The following LRRTM4 variants were observed in gnomAD, a reference collection of about 807,000 sequenced individuals.
The protein encoded by LRRTM4 is leucine rich repeat transmembrane neuronal 4.
Under a neutral mutation model 47.6 loss-of-function variants are expected in LRRTM4, and 25 were observed. The observed-to-expected ratio is 0.53, with a 90% confidence interval of 0.38 to 0.73. The LOEUF (loss-of-function observed/expected upper bound fraction) is 0.73. Among genes scored for constraint, LRRTM4 ranks in the 30% least tolerant of loss-of-function variants. The pLI is 0.00. For synonymous variants in LRRTM4, 311 were observed against 269.5 expected (o/e 1.15, Z -1.51); for missense variants, 638 against 713.4 (o/e 0.89, Z 1.20).
In LRRTM4 at chr2:76,814,221, G is replaced by GA. The variant is rs1299372108; in HGVS notation, c.1552-65306dup. On this transcript the variant is annotated intron_variant, in intron 3 of 3. Transcript: ENST00000409884. Reference sequence around the variant, plus strand: ...TTGTTTATTTTAAATTTGAAAAATAGAAAAAAGCTTATATAATAAGATATA... The same window carrying GA: ...TTGTTTATTTTAAATTTGAAAAATAGAAAAAAAGCTTATATAATAAGATATA... Among the ~76,000 whole-genome samples the GA allele has an allele frequency of 2.8e-4, 42 of 151,970 alleles. 1 individual carries two copies. Among genetic ancestry groups the GA allele is most frequent in the African/African-American group, 9.2e-4 (38 of 41,502 alleles).
At chr2:77,450,769 G>C (rs1443849474) in intron 3 of LRRTM4, among the ~76,000 whole-genome samples, 2 of 152,010 alleles carry the variant, frequency 1.3e-5, no homozygotes, top group African/African-American at 2.4e-5. Context: ...CTTATAGCTA[G>C]CCAATTATAA....
chr2:77,271,344 G>A (rs1676185575), intron 3 of LRRTM4, among the ~76,000 whole-genome samples: 1 of 152,132 alleles, frequency 6.6e-6, no homozygotes, highest in African/African-American at 2.4e-5. Flanking sequence ...TGCAGAAGGT[G>A]GAACTAAAGG....
At chr2:76,793,393 G>C (rs556555460) in intron 3 of LRRTM4, among the ~76,000 whole-genome samples, 4 of 152,038 alleles carry the variant, frequency 2.6e-5, no homozygotes, top group Non-Finnish European at 5.9e-5. Flanking sequence ...TTCACTCTTT[G>C]GCCAATTACT....
At chr2:76,836,403 C>T (rs754770600) in intron 3 of LRRTM4, among the ~76,000 whole-genome samples, 19 of 151,824 alleles carry the variant, frequency 1.3e-4, no homozygotes, top group Non-Finnish European at 2.1e-4. Flanking sequence ...TTATTTTGAT[C>T]ATGTCTATGC....
At chr2:77,188,304 T>C (rs757009551) in intron 3 of LRRTM4, among the ~76,000 whole-genome samples, 11 of 152,198 alleles carry the variant, frequency 7.2e-5, no homozygotes, top group Admixed American at 3.9e-4. Flanking sequence ...ATGGGGAAAA[T>C]GATGCAAAAC....
chr2:77,421,390 G>C (rs1175650746), intron 3 of LRRTM4, among the ~76,000 whole-genome samples: 4 of 152,032 alleles, frequency 2.6e-5, no homozygotes, highest in African/African-American at 9.7e-5. Context: ...TCACATCTAG[G>C]GAAATGCGTT....
At chr2:77,358,669 T>A (rs894021595) in intron 3 of LRRTM4, among the ~76,000 whole-genome samples, 1 of 152,220 alleles carries the variant, frequency 6.6e-6, no homozygotes, top group African/African-American at 2.4e-5. Flanking sequence ...AATAACAAAT[T>A]TCATTCATGA....
chr2:76,790,355 T>C (rs1674908190), intron 3 of LRRTM4, among the ~76,000 whole-genome samples: 1 of 152,124 alleles, frequency 6.6e-6, no homozygotes, highest in Non-Finnish European at 1.5e-5. Flanking sequence ...AGAAACATAT[T>C]AGGAGTTCTA....
intron 3 of LRRTM4, among the ~76,000 whole-genome samples, chr2:77,343,367 T>C (rs1341793069): frequency 6.6e-6 from 1 of 151,956 alleles, no homozygotes; most frequent in African/African-American, 2.4e-5. Flanking sequence ...AATTTTATTA[T>C]TGAATTAAAA....
At chr2:77,494,912 T>C (rs2104057596) in intron 3 of LRRTM4, among the ~76,000 whole-genome samples, 1 of 152,224 alleles carries the variant, frequency 6.6e-6, no homozygotes, top group South Asian at 2.1e-4. Flanking sequence ...AAATACTCTG[T>C]TTTGATTTGC....
intron 3 of LRRTM4, among the ~76,000 whole-genome samples, chr2:77,137,511 T>G (rs1396999907): frequency 6.6e-6 from 1 of 150,750 alleles, no homozygotes; most frequent in African/African-American, 2.5e-5. Flanking sequence ...TACCAGCCAC[T>G]GCAAAAACAT....
chr2:77,142,251 C>T (rs1003955705), intron 3 of LRRTM4, among the ~76,000 whole-genome samples: 1 of 152,122 alleles, frequency 6.6e-6, no homozygotes, highest in Admixed American at 6.6e-5. Context: ...ACCTTGTTCA[C>T]CACAAAGATT....
rs574224202 is a variant in LRRTM4, at chr2:76,776,286, C to A, written c.1552-27370G>T. 4.1e-3 allele frequency among the ~76,000 whole-genome samples: 623 copies of A among 152,274 alleles called. 2 individuals carry two copies. Among genetic ancestry groups the A allele is most frequent in the Non-Finnish European group, 7.2e-3 (487 of 68,028 alleles). ...GGGTATATACCCAGTAATGGGATGG[C>A]TGGGTCAAATGGTATTTCCAGTTCC... On this transcript the variant is annotated intron_variant, in intron 3 of 3. Coordinates refer to ENST00000409884, the MANE Select transcript of LRRTM4 (RefSeq NM_001134745.3).
intron 3 of LRRTM4, among the ~76,000 whole-genome samples, chr2:76,941,991 T>C (rs1166957457): frequency 6.6e-6 from 1 of 152,132 alleles, no homozygotes; most frequent in Non-Finnish European, 1.5e-5. Context: ...CCTGACTTTT[T>C]AATGATCCCC....
chr2:76,986,030 G>GT (rs1172866817), intron 3 of LRRTM4: 3 of 151,930 alleles, frequency 2.0e-5, no homozygotes, highest in African/African-American at 7.2e-5. Context: ...CATTCGCATT[G>GT]TAACTTTTAA....
intron 3 of LRRTM4, among the ~76,000 whole-genome samples, chr2:77,121,554 T>G (rs1195014550): frequency 6.6e-6 from 1 of 151,854 alleles, no homozygotes; most frequent in Admixed American, 6.6e-5. Context: ...CACACATAGA[T>G]GATTTTTATG....
At chr2:77,053,031 T>C (rs1210848293) in intron 3 of LRRTM4, among the ~76,000 whole-genome samples, 1 of 151,762 alleles carries the variant, frequency 6.6e-6, no homozygotes, top group Non-Finnish European at 1.5e-5. Context: ...ACTAACATAG[T>C]TCGGGTAAAA....
rs535094782 is a variant in LRRTM4, at chr2:76,843,313, A to G, written c.1552-94397T>C. ...AAAACTGAGGGCTTATATTAAATGT[A>G]TATTCCAAAAATATTTAAGATTGAC... On this transcript the variant is annotated intron_variant, in intron 3 of 3. Transcript: ENST00000409884. Among the ~76,000 whole-genome samples the G allele has an allele frequency of 4.6e-5, 7 of 152,302 alleles. No homozygotes were observed. The South Asian group carries it at 1.0e-3, about 23-fold the overall frequency.
At chr2:77,017,522 T>G (rs190233209) in intron 3 of LRRTM4, among the ~76,000 whole-genome samples, 1 of 152,250 alleles carries the variant, frequency 6.6e-6, no homozygotes, top group Admixed American at 6.5e-5. Flanking sequence ...AAAAGGAACA[T>G]TTGCTGGAGC....
Sources: gnomAD v4.1 joint callset for allele counts (sites outside exome capture counted in the v4.1 genomes callset) on GRCh38, gnomAD v4.1.1 for gene constraint, MANE v1.5 for transcripts, NCBI Gene and HGNC (gene_info 2026-07-23, HGNC 2026-07-21) for gene names.